ZAN: variants seen among roughly 807,000 people sequenced by gnomAD.
The protein encoded by ZAN is zonadhesin.
A neutral mutation model predicts 286.2 loss-of-function variants in ZAN; 260 were observed. The ratio of observed to expected loss-of-function variants is 0.91; its 90% CI spans 0.82 to 1.01. ZAN has a LOEUF of 1.01. ZAN is among the 50% of genes least tolerant of loss of function. The pLI is 0.00. For synonymous variants in ZAN, 1,368 were observed against 1,417.5 expected, an observed-to-expected ratio of 0.97 and a Z score of 0.79; for missense variants, 3,410 against 3,639.2, an observed-to-expected ratio of 0.94 and a Z score of 1.62.
intron 7 of ZAN, among the ~76,000 whole-genome samples, chr7:100,739,564 G>A (rs560862972): frequency 3.7e-5 from 5 of 136,140 alleles, no homozygotes; most frequent in South Asian, 4.7e-4. Context: ...AAGCTGAGAC[G>A]GGAGGATCAC....
In ZAN at chr7:100,752,748, C is replaced by A. The variant is rs748702697; in HGVS notation, c.2643C>A (p.Pro881=). 2 of 1,540,698 alleles carry A rather than the reference C, an allele frequency of 1.3e-6. No homozygotes were observed. The highest frequency in any genetic ancestry group is 1.8e-5 in the Admixed American group (1 of 56,432). Residue 881 remains proline (P), a synonymous_variant, in exon 14 of 48, where the codon CCC becomes CCA. Transcript: ENST00000613979. ...TCCCCACGGAAAAACTCACCATCCC[C>A]ACGGAAAAACCCACCATCCCCATTG... is the stretch of plus-strand genomic sequence containing the variant. ...LTIPTEKLTI[P]TEKPTIPIEE...
At chr7:100,733,706 T>C in intron 1 of ZAN, 58 bp downstream of exon 1, 1 of 144,142 alleles carries the variant, frequency 6.9e-6, no homozygotes, top group East Asian at 2.0e-4. Flanking sequence ...TCACCCCTGA[T>C]AGTCTGAAGT....
At chr7:100,746,814 G>C in intron 8 of ZAN, 112 bp downstream of exon 8, 4 of 1,263,834 alleles carry the variant, frequency 3.2e-6, no homozygotes, top group Non-Finnish European at 3.3e-6. Context: ...TGGAATATGT[G>C]CGAGACTATT....
intron 37 of ZAN, among the ~76,000 whole-genome samples, chr7:100,787,358 G>C (rs1286480778): frequency 1.3e-5 from 2 of 152,128 alleles, no homozygotes; most frequent in Non-Finnish European, 2.9e-5. Flanking sequence ...GGAGGCTGCA[G>C]TGAGCTATGA....
chr7:100,786,078 T>C lies in ZAN; in HGVS notation c.6916T>C (p.Cys2306Arg), dbSNP rs533599018. 1.9e-6 allele frequency: 3 copies of C among 1,613,944 alleles called. No individual in the cohort carries two copies. The highest frequency in any genetic ancestry group is 2.7e-5 in the African/African-American group (2 of 75,066). The change falls in exon 37 of 48, where the codon TGC (cysteine) becomes CGC (arginine). Residue 2306 changes from cysteine (C) to arginine (R), a missense_variant. By Grantham distance (180) the Cys-to-Arg change is radical. Transcript: ENST00000613979. ...GGAIQCGDFR[C>R]PSGSHCQLTS... The stretch of plus-strand genomic sequence containing the variant: ...AGCCATTCAGTGCGGGGACTTCCGA[T>C]GCCCCTCTGGGTCCCACTGCCAGCT...
chr7:100,738,480 C>T lies in ZAN; in HGVS notation c.633C>T (p.Cys211=). The T allele has an allele frequency of 6.8e-7, 1 of 1,475,104 alleles. No homozygotes were observed. Among genetic ancestry groups the T allele is most frequent in the South Asian group, 1.2e-5 (1 of 83,424 alleles). The allele number at this position is 1,475,104 out of a possible 1,614,324, so 91.4% of individuals were successfully genotyped here. A position where few individuals can be genotyped will look rare whatever the true frequency, so the allele number is the denominator to read the frequency against. The change falls in exon 7 of 48, where the codon TGC becomes TGT. Residue 211 remains cysteine, a synonymous_variant. Coordinates refer to ENST00000613979, the MANE Select transcript of ZAN (RefSeq NM_003386.3). ...TCTCAGTCTGTATGATGCAAACATGCAGCTTTGACATTCCAAATGACCTCT... is the reference window on the plus strand; with the variant it reads ...TCTCAGTCTGTATGATGCAAACATGTAGCTTTGACATTCCAAATGACCTCT... The part of the protein sequence containing the change: ...SCNRVCMMQT[C]SFDIPNDLCD...
At position 100,766,567 on chromosome 7, in the gene ZAN, G is replaced by A. The variant is rs368074594; in HGVS notation, c.4513G>A (p.Val1505Ile). The change falls in exon 24 of 48, where the codon GTC (valine) becomes ATC (isoleucine). Residue 1505 changes from valine (V) to isoleucine (I), a missense_variant. Val to Ile is a conservative substitution (Grantham distance 29, BLOSUM62 3). This residue lies in a region of ZAN where 1,042 missense variants were observed against 1,058.0 expected (regional missense o/e 0.98). Transcript: ENST00000613979. ...WYKPGCKELC[V>I]CESNNRIRCQ... ...CAAGCCAGGCTGCAAAGAGTTGTGC[G>A]TCTGTGAAAGCAACAACAGAATTCG... 6.2e-5 allele frequency: 96 copies of A among 1,552,124 alleles called. 1 individual carries two copies. In the African/African-American group the frequency reaches 1.0e-3, roughly 17 times the overall value.
rs1156552782 is a variant in ZAN, at chr7:100,779,648, G to C, written c.6520G>C (p.Gly2174Arg). 1 of 1,586,262 alleles carries C rather than the reference G, an allele frequency of 6.3e-7. No individual in the cohort carries two copies. Reference sequence around the variant, plus strand: ...CTGTGCAAACACCCTCTGTGAGTTCGGAGGTCTCTACCAGGCCCTCTGCCA... The same window carrying C: ...CTGTGCAAACACCCTCTGTGAGTTCCGAGGTCTCTACCAGGCCCTCTGCCA... ...VDCANTLCEFGGLYQALCQAL... is the reference protein window; with the variant it reads ...VDCANTLCEFRGLYQALCQAL... The change falls in exon 35 of 48, where the codon GGA (glycine) becomes CGA (arginine). Residue 2174 changes from glycine (G) to arginine (R), a missense_variant. This residue lies in a region of ZAN where 1,289 missense variants were observed against 1,314.3 expected (regional missense o/e 0.98). Coordinates refer to ENST00000613979, the MANE Select transcript of ZAN (RefSeq NM_003386.3).
In ZAN at chr7:100,788,026, G is replaced by A. The variant is rs777531163; in HGVS notation, c.7117G>A (p.Val2373Met). Residue 2373 changes from valine to methionine, a missense_variant, in exon 38 of 48, where the codon GTG becomes ATG. Coordinates refer to ENST00000613979, the MANE Select transcript of ZAN (RefSeq NM_003386.3). Reference protein sequence around the residue: ...VLPEGVEPLLVEGRNKMDPPR... With the variant: ...VLPEGVEPLLMEGRNKMDPPR... Reference sequence around the variant, plus strand: ...GCCTGAGGGGGTGGAGCCCCTCCTCGTGGAAGGACGCAACAAGATGGATCC... The same window carrying A: ...GCCTGAGGGGGTGGAGCCCCTCCTCATGGAAGGACGCAACAAGATGGATCC... 97 of 1,568,912 alleles carry A rather than the reference G, an allele frequency of 6.2e-5. No individual in the cohort carries two copies. The highest frequency in any genetic ancestry group is 3.4e-4 in the Middle Eastern group (2 of 5,848).
intron 34 of ZAN, among the ~76,000 whole-genome samples, chr7:100,776,934 T>G (rs1810857828): frequency 7.1e-6 from 1 of 140,506 alleles, no homozygotes; most frequent in East Asian, 2.2e-4. Context: ...GGGTTTCACC[T>G]TGTTAGCCAG....
At chr7:100,779,933 G>A (rs1011285204) in intron 35 of ZAN, among the ~76,000 whole-genome samples, 183 bp downstream of exon 35, 7 of 152,076 alleles carry the variant, frequency 4.6e-5, no homozygotes, top group East Asian at 1.9e-4. Flanking sequence ...GGTGGCTCAC[G>A]CCTATAATCC....
intron 15 of ZAN, among the ~76,000 whole-genome samples, chr7:100,755,856 G>A (rs1304677237): frequency 6.6e-6 from 1 of 152,144 alleles, no homozygotes; most frequent in East Asian, 1.9e-4. Flanking sequence ...ATAGGCATAA[G>A]TCACCGTGTC....
intron 34 of ZAN, 85 bp from the exon 35 acceptor site, chr7:100,779,361 G>C (rs1216183605): frequency 2.2e-6 from 3 of 1,389,058 alleles, no homozygotes; most frequent in African/African-American, 2.9e-5. Flanking sequence ...CTGGGTGACA[G>C]AGCAAGACTC....
At chr7:100,764,507 A>T (rs1414826898) in intron 22 of ZAN, among the ~76,000 whole-genome samples, 3 of 148,704 alleles carry the variant, frequency 2.0e-5, no homozygotes, top group Admixed American at 1.4e-4. Context: ...AAAATAAAAT[A>T]AAATAAATAA....
At chr7:100,795,438 A>G in intron 45 of ZAN, 102 bp downstream of exon 45, 1 of 1,122,118 alleles carries the variant, frequency 8.9e-7, no homozygotes, top group Admixed American at 3.8e-5. Flanking sequence ...AATGATATGT[A>G]TTATAATATT....
intron 31 of ZAN, among the ~76,000 whole-genome samples, chr7:100,774,649 C>T (rs1584607977): frequency 6.6e-6 from 1 of 151,852 alleles, no homozygotes; most frequent in East Asian, 1.9e-4. Context: ...CAGAACAAGA[C>T]CCTGTCTCTA....
intron 45 of ZAN, 73 bp downstream of exon 45, chr7:100,795,409 GTAT>G: frequency 3.6e-6 from 5 of 1,374,288 alleles, no homozygotes; most frequent in Non-Finnish European, 4.7e-6. Context: ...GATTCTATAT[GTAT>G]TATATTCACA....
Position 100,766,673 on chromosome 7 carries a change from C to T in ZAN, c.4612+7C>T, listed in dbSNP as rs1009647843. Reference sequence around the variant, plus strand: ...TATGGCTGCCATGCCCAAGGTGAGCCATCAGGGTGGAAGGTGAGCTGGGGG... The same window carrying T: ...TATGGCTGCCATGCCCAAGGTGAGCTATCAGGGTGGAAGGTGAGCTGGGGG... On this transcript the variant is annotated splice_region_variant and intron_variant, in intron 24 of 47. Transcript: ENST00000613979. The T allele has an allele frequency of 2.6e-6, 4 of 1,565,008 alleles. No homozygotes were observed. Among genetic ancestry groups the T allele is most frequent in the Non-Finnish European group, 3.5e-6 (4 of 1,154,714 alleles).
rs755131778 is a variant in ZAN at position 100,753,247 on chromosome 7, C to T, written c.3124+18C>T. 5 of 1,553,058 alleles carry T rather than the reference C, an allele frequency of 3.2e-6. No individual in the cohort carries two copies. The highest frequency in any genetic ancestry group is 3.5e-6 in the Non-Finnish European group (4 of 1,152,162). ...CAGTACAGGTATGAGGTGGATGGAG[C>T]GTGGGCCAAGGCTGAAAGTCAGAGA... On this transcript the variant is annotated intron_variant, in intron 14 of 47. Coordinates refer to ENST00000613979, the MANE Select transcript of ZAN (RefSeq NM_003386.3).
Sources: gnomAD v4.1 joint callset for allele counts (sites outside exome capture counted in the v4.1 genomes callset) on GRCh38, gnomAD v4.1.1 for gene constraint, gnomAD v4.1.1 regional missense constraint, MANE v1.5 for transcripts, NCBI Gene and HGNC (gene_info 2026-07-23, HGNC 2026-07-21) for gene names.